The following CZIB variants were observed in gnomAD, a reference collection of about 807,000 sequenced individuals.
CZIB encodes the protein CXXC motif containing zinc binding protein, also known as UPF0587 protein C1orf123.
A neutral mutation model predicts 28.3 loss-of-function variants in CZIB; 26 were observed. That is an observed-to-expected ratio of 0.92 (90% confidence interval 0.67 to 1.27). The LOEUF (loss-of-function observed/expected upper bound fraction) is 1.27. Among genes scored for constraint, CZIB ranks in the 50% most tolerant of loss-of-function variants. The probability of loss-of-function intolerance (pLI) is 0.00; values close to 1 mark genes in which losing one functional copy is unlikely to be tolerated. For synonymous variants in CZIB, 78 were observed against 71.1 expected, an observed-to-expected ratio of 1.10 and a Z score of -0.49; for missense variants, 179 against 197.3, an observed-to-expected ratio of 0.91 and a Z score of 0.56.
At chr1:53,219,025 C>A in intron 2 of CZIB, 102 bp from the exon 3 acceptor site, 1 of 962,570 alleles carries the variant, frequency 1.0e-6, no homozygotes, top group Non-Finnish European at 1.7e-6. Flanking sequence ...GATCTACCTT[C>A]TTGATGGCAA....
intron 2 of CZIB, 143 bp from the exon 3 acceptor site, chr1:53,219,066 A>G: frequency 1.4e-6 from 1 of 717,814 alleles, no homozygotes; most frequent in South Asian, 1.6e-5. Flanking sequence ...CTGCCCCAAC[A>G]AGGACAAAAC....
At position 53,220,248 on chromosome 1, in the gene CZIB, G is replaced by C. The variant is rs1214611251; in HGVS notation, c.90+13C>G. 6.2e-7 allele frequency: 1 copy of C among 1,611,058 alleles called. No homozygotes were observed. The highest frequency in any genetic ancestry group is 8.5e-7 in the Non-Finnish European group (1 of 1,178,830). On this transcript the variant is annotated intron_variant, in intron 2 of 7. Transcript: ENST00000294360. ...GACGGGCCTCCTCTCCCCGGGCCCCGCCCCGGCCGCACCTTCAGGTACCAC... is the reference window on the plus strand; with the variant it reads ...GACGGGCCTCCTCTCCCCGGGCCCCCCCCCGGCCGCACCTTCAGGTACCAC...
intron 5 of CZIB, 139 bp from the exon 6 acceptor site, chr1:53,216,998 T>C (rs1313317850): frequency 2.7e-5 from 19 of 705,600 alleles, no homozygotes; most frequent in Non-Finnish European, 4.2e-5. Flanking sequence ...ATCCCCTTCT[T>C]AGAGGAAGCC....
intron 3 of CZIB, 26 bp from the exon 4 acceptor site, chr1:53,218,521 A>G: frequency 2.5e-6 from 4 of 1,610,076 alleles, no homozygotes; most frequent in Non-Finnish European, 3.4e-6. Flanking sequence ...CAGAACTTTC[A>G]GTCACATATG....
At chr1:53,216,759 T>TC in intron 6 of CZIB, 23 bp downstream of exon 6, 1 of 1,609,748 alleles carries the variant, frequency 6.2e-7, no homozygotes, top group Non-Finnish European at 8.5e-7. Context: ...AGACAAAGAT[T>TC]CCCCAGAAAG....
rs1183239220 is a variant in CZIB at position 53,218,405 on chromosome 1, C to T, written c.229+9G>A. ...CCTGGCAGAACTCAGTACGCACAGC[C>T]TGACCTACCGATGGAATTTTCTCTT... On this transcript the variant is annotated intron_variant, in intron 4 of 7. Coordinates refer to ENST00000294360, the MANE Select transcript of CZIB (RefSeq NM_017887.3). 6.2e-7 allele frequency: 1 copy of T among 1,614,184 alleles called. No homozygotes were observed.
Position 53,218,917 on chromosome 1 carries a change from A to G in CZIB, c.97T>C (p.Cys33Arg). Residue 33 changes from cysteine (C) to arginine (R), a missense_variant, in exon 3 of 8, where the codon TGT becomes CGT. Transcript: ENST00000294360. ...TCCGAAATCTCACCACAGTTGCCACATTTCATCTTTGGGGAAAAAGAATGT... is the reference window on the plus strand; with the variant it reads ...TCCGAAATCTCACCACAGTTGCCACGTTTCATCTTTGGGGAAAAAGAATGT... ...EDFRWYLKMK[C>R]GNCGEISDKW... is the part of the protein sequence containing the mutation. 6.2e-7 allele frequency: 1 copy of G among 1,613,830 alleles called. No individual in the cohort carries two copies. The highest frequency in any genetic ancestry group is 8.5e-7 in the Non-Finnish European group (1 of 1,179,806).
chr1:53,217,888 G>A (rs1441007624), intron 5 of CZIB: 3 of 406,790 alleles, frequency 7.4e-6, no homozygotes, highest in Non-Finnish European at 1.3e-5. Context: ...CCCCTAAAAT[G>A]AAGACAAGGC....
At chr1:53,216,902 T>C (rs770339050) in intron 5 of CZIB, 43 bp from the exon 6 acceptor site, 20 of 1,536,882 alleles carry the variant, frequency 1.3e-5, no homozygotes, top group Non-Finnish European at 1.7e-5. Flanking sequence ...AAATGAGCTC[T>C]CAGGATGACC....
At chr1:53,214,867 G>A in intron 7 of CZIB, 131 bp from the exon 8 acceptor site, 2 of 644,904 alleles carry the variant, frequency 3.1e-6, no homozygotes, top group Admixed American at 2.8e-5. Context: ...ACCCTGAACA[G>A]AGCCAGATAG....
In CZIB at chr1:53,220,613, C is replaced by G. The variant is rs200482261; in HGVS notation, c.-38G>C. 23 of 1,591,448 alleles carry G rather than the reference C, an allele frequency of 1.4e-5. No individual in the cohort carries two copies. In the Admixed American group the frequency reaches 3.0e-4, roughly 21 times the overall value. Reference sequence around the variant, plus strand: ...CGCCCGGTGCTGGCTGCGGCCCTTGCCGTTGCTTTCCGGCGCGTCGTAAAA... The same window carrying G: ...CGCCCGGTGCTGGCTGCGGCCCTTGGCGTTGCTTTCCGGCGCGTCGTAAAA... On this transcript the variant is annotated 5_prime_UTR_variant, in exon 1 of 8. Coordinates refer to ENST00000294360, the MANE Select transcript of CZIB (RefSeq NM_017887.3).
intron 4 of CZIB, 81 bp downstream of exon 4, chr1:53,218,333 G>A: frequency 6.3e-7 from 1 of 1,584,072 alleles, no homozygotes; most frequent in South Asian, 1.1e-5. Flanking sequence ...CCACCCTCAG[G>A]TAACATGAGT....
At chr1:53,219,692 A>C (rs1460995398) in intron 2 of CZIB, 1 of 152,668 alleles carries the variant, frequency 6.6e-6, no homozygotes, top group East Asian at 1.9e-4. Context: ...CCTGGGAAAC[A>C]AAAGTAGTCC....
At chr1:53,216,921 C>T in intron 5 of CZIB, 62 bp from the exon 6 acceptor site, 1 of 1,395,988 alleles carries the variant, frequency 7.2e-7, no homozygotes, top group South Asian at 1.2e-5. Flanking sequence ...CCCCATGGCC[C>T]CTCTCCTTCC....
intron 4 of CZIB, 102 bp from the exon 5 acceptor site, chr1:53,218,305 G>A (rs146156858): frequency 9.5e-6 from 15 of 1,571,420 alleles, no homozygotes; most frequent in African/African-American, 6.7e-5. Context: ...TACAGGTGTC[G>A]GCATCTTAGG....
At chr1:53,215,135 T>G (rs984230552) in intron 7 of CZIB, among the ~76,000 whole-genome samples, 2 of 151,906 alleles carry the variant, frequency 1.3e-5, no homozygotes, top group Admixed American at 6.6e-5. Context: ...AGGTCAGGGG[T>G]CCGAGACCAT....
intron 7 of CZIB, 66 bp from the exon 8 acceptor site, chr1:53,214,802 T>C (rs1322432003): frequency 2.1e-6 from 3 of 1,417,160 alleles, no homozygotes; most frequent in Non-Finnish European, 3.0e-6. Context: ...AGCAGAAAAC[T>C]GGGACTTAAA....
intron 5 of CZIB, chr1:53,217,938 T>G (rs773673568): frequency 1.5e-5 from 8 of 544,434 alleles, no homozygotes; most frequent in Non-Finnish European, 2.0e-5. Context: ...CTAGGTTGTG[T>G]CAGAGGTCCC....
At chr1:53,218,799 A>G (rs1308556381) in intron 3 of CZIB, 68 bp downstream of exon 3, 2 of 1,494,738 alleles carry the variant, frequency 1.3e-6, no homozygotes, top group Non-Finnish European at 1.9e-6. Flanking sequence ...AGTTTCCCCA[A>G]ATCCCTGCCC....
Sources: gnomAD v4.1 joint callset for allele counts (sites outside exome capture counted in the v4.1 genomes callset) on GRCh38, gnomAD v4.1.1 for gene constraint, MANE v1.5 for transcripts, NCBI Gene and HGNC (gene_info 2026-07-23, HGNC 2026-07-21) for gene names.